GLE1: variants seen among roughly 807,000 people sequenced by gnomAD.
The protein encoded by GLE1 is GLE1 RNA export mediator.
A neutral mutation model predicts 97.3 loss-of-function variants in GLE1; 78 were observed. The ratio of observed to expected loss-of-function variants is 0.80; its 90% confidence interval spans 0.67 to 0.97. The LOEUF is 0.97. Ranked by LOEUF, GLE1 falls within the 50% of genes least tolerant of loss-of-function variation. The pLI is 0.00. For missense variants in GLE1, 753 were observed against 857.5 expected (o/e 0.88, Z 1.52); for synonymous variants, 302 against 313.4 (o/e 0.96, Z 0.39).
intron 1 of GLE1, among the ~76,000 whole-genome samples, chr9:128,508,180 C>CAA (rs561804495): frequency 0.031 from 2,337 of 74,356 alleles, 100 homozygotes; most frequent in African/African-American, 0.097. Context: ...AACTCCATCT[C>CAA]AAAAAAAAAA....
At chr9:128,507,830 G>A (rs1374861798) in intron 1 of GLE1, among the ~76,000 whole-genome samples, 1 of 151,922 alleles carries the variant, frequency 6.6e-6, no homozygotes, top group African/African-American at 2.4e-5. Flanking sequence ...GGAGGTTGCA[G>A]TGAGCTGAGA....
intron 9 of GLE1, among the ~76,000 whole-genome samples, chr9:128,533,274 T>G (rs1589069647): frequency 6.7e-6 from 1 of 148,580 alleles, no homozygotes; most frequent in South Asian, 2.1e-4. Context: ...AAAAAAAAAA[T>G]ACAAAACTTA....
intron 3 of GLE1, among the ~76,000 whole-genome samples, chr9:128,520,428 GTA>G (rs1245660275): frequency 3.4e-5 from 5 of 147,434 alleles, no homozygotes; most frequent in Admixed American, 6.9e-5. Flanking sequence ...ATGTATATAT[GTA>G]TATATATGTA....
chr9:128,516,398 C>T (rs1355381770), intron 3 of GLE1, among the ~76,000 whole-genome samples: 1 of 152,222 alleles, frequency 6.6e-6, no homozygotes, highest in Non-Finnish European at 1.5e-5. Context: ...CGGCTCACCG[C>T]AAGCTCCGCC....
At chr9:128,529,547 C>G (rs931271552) in intron 9 of GLE1, among the ~76,000 whole-genome samples, 4 of 152,068 alleles carry the variant, frequency 2.6e-5, no homozygotes, top group Non-Finnish European at 4.4e-5. Flanking sequence ...TCCCTTGATC[C>G]TATGTCTTCT....
chr9:128,530,563 G>A (rs1847462329), intron 9 of GLE1, among the ~76,000 whole-genome samples: 1 of 152,120 alleles, frequency 6.6e-6, no homozygotes, highest in Non-Finnish European at 1.5e-5. Context: ...TCTAGTTAGT[G>A]CTCAGTAAGC....
At position 128,533,638 on chromosome 9, in the gene GLE1, C is replaced by T; in HGVS notation, c.1438C>T (p.Leu480=). Residue 480 remains leucine, a synonymous_variant, in exon 10 of 16, where the codon CTG becomes TTG. Transcript: ENST00000309971. ...GGGGCTGGACTTTGTTCAATACAAA[C>T]TGGCAGAGAAATTTGTGGTGAGAAA... is the stretch of plus-strand genomic sequence containing the variant. ...PQGLDFVQYK[L]AEKFVKQGEE... 6.2e-7 allele frequency: 1 copy of T among 1,614,098 alleles called. No homozygotes were observed. The highest frequency in any genetic ancestry group is 8.5e-7 in the Non-Finnish European group (1 of 1,180,008).
At chr9:128,507,548 C>T (rs1174672091) in intron 1 of GLE1, among the ~76,000 whole-genome samples, 2 of 149,622 alleles carry the variant, frequency 1.3e-5, no homozygotes, top group African/African-American at 4.9e-5. Flanking sequence ...CACGCCACTG[C>T]ACTCCAGCCT....
intron 13 of GLE1, among the ~76,000 whole-genome samples, chr9:128,539,078 C>CA (rs1847812400): frequency 6.6e-6 from 1 of 151,672 alleles, no homozygotes; most frequent in South Asian, 2.1e-4. Flanking sequence ...CTATATCTAC[C>CA]AAAAAAATAC....
At chr9:128,518,004 A>G (rs1847034958) in intron 3 of GLE1, among the ~76,000 whole-genome samples, 1 of 152,168 alleles carries the variant, frequency 6.6e-6, no homozygotes, top group South Asian at 2.1e-4. Context: ...TAATCAGATC[A>G]GAGATTCAAG....
intron 2 of GLE1, among the ~76,000 whole-genome samples, chr9:128,510,158 A>G (rs1331373257): frequency 1.3e-5 from 2 of 151,502 alleles, no homozygotes; most frequent in Admixed American, 6.6e-5. Context: ...CCCAGGCTCA[A>G]TCCACCCTCC....
intron 15 of GLE1, 174 bp from the exon 16 acceptor site, chr9:128,540,928 T>A: frequency 4.8e-6 from 3 of 626,668 alleles, no homozygotes; most frequent in Non-Finnish European, 8.6e-6. Flanking sequence ...CTGGAGCAGA[T>A]CATGCAGAAG....
At chr9:128,516,619 TG>T (rs202219141) in intron 3 of GLE1, among the ~76,000 whole-genome samples, 1,716 of 151,734 alleles carry the variant, frequency 0.011, 66 homozygotes, top group East Asian at 0.1. Flanking sequence ...GTGCCCGGCC[TG>T]TTTTTTGTTT....
chr9:128,514,447 T>C (rs561783355), intron 2 of GLE1, among the ~76,000 whole-genome samples: 1 of 136,138 alleles, frequency 7.3e-6, no homozygotes, highest in South Asian at 2.5e-4. Context: ...ATAGCAGACT[T>C]TTTTTTTTTT....
In GLE1 at chr9:128,527,207, A is replaced by G. The variant is rs761883751; in HGVS notation, c.1158A>G (p.Thr386=). ...TCCAGGTGAAGGTACAAGACATTAC[A>G]ATGCAGTGGTACCAGCAGCTGCAGG... The part of the protein sequence containing the change: ...EDLQVKVQDI[T]MQWYQQLQDA... Residue 386 remains threonine (T), a synonymous_variant, in exon 8 of 16, where the codon ACA becomes ACG. Coordinates refer to ENST00000309971, the MANE Select transcript of GLE1 (RefSeq NM_001003722.2). 13 of 1,607,068 alleles carry G rather than the reference A, an allele frequency of 8.1e-6. No individual in the cohort carries two copies. The East Asian group carries it at 2.9e-4, about 36-fold the overall frequency.
chr9:128,528,703 C>A (rs568744514), intron 9 of GLE1, among the ~76,000 whole-genome samples: 1 of 152,214 alleles, frequency 6.6e-6, no homozygotes, highest in African/African-American at 2.4e-5. Flanking sequence ...ACTCAGGGAA[C>A]CTAGGCTGTG....
chr9:128,531,719 C>T (rs1406062593), intron 9 of GLE1, among the ~76,000 whole-genome samples: 1 of 150,388 alleles, frequency 6.6e-6, no homozygotes, highest in African/African-American at 2.5e-5. Flanking sequence ...GTAGTCCCAG[C>T]TACTTGGGAG....
chr9:128,507,225 G>A (rs1846665109), intron 1 of GLE1, among the ~76,000 whole-genome samples: 1 of 152,106 alleles, frequency 6.6e-6, no homozygotes, highest in African/African-American at 2.4e-5. Context: ...GGCTGGTTGT[G>A]GTGACTCATG....
chr9:128,529,389 C>T (rs547075679), intron 9 of GLE1, among the ~76,000 whole-genome samples: 1 of 152,208 alleles, frequency 6.6e-6, no homozygotes, highest in Admixed American at 6.5e-5. Flanking sequence ...ACCCTTCCAC[C>T]TCTGCCCTTG....
Sources: gnomAD v4.1 joint callset for allele counts (sites outside exome capture counted in the v4.1 genomes callset) on GRCh38, gnomAD v4.1.1 for gene constraint, MANE v1.5 for transcripts, NCBI Gene and HGNC (gene_info 2026-07-23, HGNC 2026-07-21) for gene names.